CNTN4: variants seen among roughly 807,000 people sequenced by gnomAD.
CNTN4 encodes contactin 4, also known as contactin-4.
In CNTN4, 77 loss-of-function variants were observed where a neutral mutation model predicts 122.5. That is an observed-to-expected ratio of 0.63 (90% confidence interval 0.52 to 0.76). The LOEUF is 0.76. Among genes scored for constraint, CNTN4 ranks in the 30% least tolerant of loss-of-function variants. The pLI is 0.00. For missense variants in CNTN4, 1,256 were observed against 1,259.1 expected (o/e 1.00, Z 0.04); for synonymous variants, 512 against 447.0 (o/e 1.15, Z -1.83).
At chr3:2,421,620 A>C (rs1027469211) in intron 3 of CNTN4, among the ~76,000 whole-genome samples, 2 of 152,130 alleles carry the variant, frequency 1.3e-5, no homozygotes, top group Non-Finnish European at 2.9e-5. Flanking sequence ...CCAGACAATC[A>C]GTAGTTGAAG....
At chr3:2,450,121 C>G (rs1416789616) in intron 3 of CNTN4, among the ~76,000 whole-genome samples, 2 of 152,128 alleles carry the variant, frequency 1.3e-5, no homozygotes, top group Non-Finnish European at 2.9e-5. Context: ...AATCCCAGCA[C>G]TTTGGAAGGC....
At chr3:2,710,406 A>G (rs2087067399) in intron 4 of CNTN4, among the ~76,000 whole-genome samples, 1 of 152,192 alleles carries the variant, frequency 6.6e-6, no homozygotes, top group South Asian at 2.1e-4. Flanking sequence ...TTGTATTTTA[A>G]TAGTGACAGC....
rs1203773891 is a variant in CNTN4, at chr3:2,170,132, T to G, written c.-145+69493T>G. On this transcript the variant is annotated intron_variant, in intron 2 of 24. Transcript: ENST00000418658. ...GTCAGGAGATCGAGACCATCCTGGC[T>G]AACACGGTGAAACCCCGTCTCTACT... Among the ~76,000 whole-genome samples, 6 of 151,664 alleles carry G rather than the reference T, an allele frequency of 4.0e-5. No homozygotes were observed. In the East Asian group the frequency reaches 1.2e-3, roughly 30 times the overall value.
chr3:2,512,486 ATTG>A (rs2076916571), intron 3 of CNTN4, among the ~76,000 whole-genome samples: 1 of 152,222 alleles, frequency 6.6e-6, no homozygotes, highest in South Asian at 2.1e-4. Context: ...AGAATTTAAT[ATTG>A]TTAATAATGT....
intron 23 of CNTN4, among the ~76,000 whole-genome samples, chr3:3,048,502 TTCTC>T (rs58018554): frequency 4.3e-5 from 6 of 140,744 alleles, no homozygotes; most frequent in African/African-American, 8.7e-5. Flanking sequence ...CTCTCTCTCT[TTCTC>T]TCTCTCTCTC....
chr3:2,174,140 A>G (rs2036638907), intron 2 of CNTN4, among the ~76,000 whole-genome samples: 1 of 152,150 alleles, frequency 6.6e-6, no homozygotes, highest in Non-Finnish European at 1.5e-5. Flanking sequence ...TTTACTTTTA[A>G]GGTAGAAGGG....
chr3:2,988,708 C>A, intron 14 of CNTN4: 1 of 529,196 alleles, frequency 1.9e-6, no homozygotes, highest in Non-Finnish European at 3.4e-6. Flanking sequence ...GAATTATAGC[C>A]ATTGTATCTC....
intron 4 of CNTN4, among the ~76,000 whole-genome samples, chr3:2,717,856 A>G (rs2087596141): frequency 6.6e-6 from 1 of 152,138 alleles, no homozygotes; most frequent in African/African-American, 2.4e-5. Flanking sequence ...TTTCTTTAAT[A>G]GCCAGTCTAC....
In CNTN4 at chr3:2,841,734, A is replaced by G. The variant is rs920271240; in HGVS notation, c.454+22153A>G. 1.3e-5 allele frequency among the ~76,000 whole-genome samples: 2 copies of G among 152,188 alleles called. No homozygotes were observed. The highest frequency in any genetic ancestry group is 2.9e-5 in the Non-Finnish European group (2 of 68,046). ...TAGCTGTGCCTTGAAGTTATTAAAA[A>G]TATGTTTCACTCATGATAACATGAT... On this transcript the variant is annotated intron_variant, in intron 7 of 24. Coordinates refer to ENST00000418658, the MANE Select transcript of CNTN4 (RefSeq NM_175607.3). This position sits in a 1 kb window ranked among gnomAD's most constrained non-coding sequence, Gnocchi z 4.8.
intron 2 of CNTN4, among the ~76,000 whole-genome samples, chr3:2,173,005 G>C (rs2149251136): frequency 6.6e-6 from 1 of 152,300 alleles, no homozygotes; most frequent in East Asian, 1.9e-4. Context: ...TCAGTGATCT[G>C]CAACGTGGTA....
At chr3:2,184,142 T>C (rs1194363559) in intron 2 of CNTN4, among the ~76,000 whole-genome samples, 1 of 152,024 alleles carries the variant, frequency 6.6e-6, no homozygotes, top group African/African-American at 2.4e-5. Context: ...TGGCTAATTT[T>C]TATGTTATTT....
chr3:2,414,089 G>T (rs1404132466), intron 3 of CNTN4, among the ~76,000 whole-genome samples: 1 of 152,116 alleles, frequency 6.6e-6, no homozygotes, highest in Non-Finnish European at 1.5e-5. Flanking sequence ...GAATGATATA[G>T]GTAGAGATAT....
chr3:3,038,787 C>T lies in CNTN4; in HGVS notation c.2093-146C>T, dbSNP rs1699865879. 10 of 633,536 alleles carry T rather than the reference C, an allele frequency of 1.6e-5. No individual in the cohort carries two copies. The South Asian group carries it at 1.9e-4, about 12-fold the overall frequency. The allele number at this position is 633,536 out of a possible 1,614,324, so 39.2% of individuals were successfully genotyped here. ...TTCCTCGAGCGGTCGCCGTGGGCCC[C>T]TTGACAATGCTGTTGCTGATCTCCA... On this transcript the variant is annotated intron_variant, in intron 18 of 24. Transcript: ENST00000418658.
intron 2 of CNTN4, among the ~76,000 whole-genome samples, chr3:2,174,337 C>G (rs980004171): frequency 3.4e-4 from 52 of 152,170 alleles, no homozygotes; most frequent in African/African-American, 1.2e-3. Context: ...ATTCATGCTT[C>G]TCTAACAGCA....
chr3:2,622,190 TAGG>T (rs919487792), intron 4 of CNTN4, among the ~76,000 whole-genome samples: 14 of 152,274 alleles, frequency 9.2e-5, no homozygotes, highest in East Asian at 1.9e-4. Context: ...ACTATGGCAG[TAGG>T]AGGAGATTTA....
rs1035077376 is a variant in CNTN4, at chr3:2,547,095, G to C, written c.-88-24321G>C. 2.0e-5 allele frequency among the ~76,000 whole-genome samples: 3 copies of C among 151,622 alleles called. 1 individual carries two copies. Among genetic ancestry groups the C allele is most frequent in the Non-Finnish European group, 4.4e-5 (3 of 67,652 alleles). ...TGATAAAAATAAAGGGAATGAGAAA[G>C]CTAAACATTGGGAGAAATTAGCAAA... is the stretch of plus-strand genomic sequence containing the variant. On this transcript the variant is annotated intron_variant, in intron 3 of 24. Coordinates refer to ENST00000418658, the MANE Select transcript of CNTN4 (RefSeq NM_175607.3).
At chr3:2,424,413 G>C (rs765351429) in intron 3 of CNTN4, among the ~76,000 whole-genome samples, 1 of 151,900 alleles carries the variant, frequency 6.6e-6, no homozygotes, top group South Asian at 2.1e-4. Context: ...TTTTATGGCC[G>C]CATAGTATTC....
chr3:2,622,442 C>A (rs2082025848), intron 4 of CNTN4, among the ~76,000 whole-genome samples: 1 of 152,208 alleles, frequency 6.6e-6, no homozygotes, highest in South Asian at 2.1e-4. Context: ...CAAGTGTGTG[C>A]CACCACGCCC....
intron 2 of CNTN4, among the ~76,000 whole-genome samples, chr3:2,256,576 C>T (rs75086093): frequency 1.3e-5 from 2 of 152,124 alleles, no homozygotes; most frequent in South Asian, 2.1e-4. Flanking sequence ...AGCAGCACAT[C>T]AAAAATCTTA....
Sources: gnomAD v4.1 joint callset for allele counts (sites outside exome capture counted in the v4.1 genomes callset) on GRCh38, gnomAD v4.1.1 for gene constraint, Gnocchi (gnomAD v3.1) non-coding constraint, MANE v1.5 for transcripts, NCBI Gene and HGNC (gene_info 2026-07-23, HGNC 2026-07-21) for gene names.